RAMP1: variants seen among roughly 807,000 people sequenced by gnomAD.
RAMP1 encodes receptor activity-modifying protein 1.
Under a neutral mutation model 8.2 loss-of-function variants are expected in RAMP1, and 7 were observed. That is an observed-to-expected ratio of 0.85 (90% CI 0.49 to 1.60). RAMP1 has a LOEUF of 1.60. RAMP1 is among the 40% of genes most tolerant of loss of function. The pLI is 0.00. For synonymous variants in RAMP1, 92 were observed against 84.7 expected, an observed-to-expected ratio of 1.09 and a Z score of -0.47; for missense variants, 192 against 202.4, an observed-to-expected ratio of 0.95 and a Z score of 0.31.
In RAMP1 at chr2:237,911,889, C is replaced by T; in HGVS notation, c.*106C>T. The T allele has an allele frequency of 7.0e-7, 1 of 1,424,960 alleles. No individual in the cohort carries two copies. The highest frequency in any genetic ancestry group is 9.3e-7 in the Non-Finnish European group (1 of 1,077,338). 88.3% of individuals were successfully genotyped at this position (1,424,960 alleles called of 1,614,324 possible). ...CTTGGGACAGAGCAGGCCCACAATG[C>T]CCCCCTTCTTCCAGCCAAGAAGAGC... On this transcript the variant is annotated 3_prime_UTR_variant, in exon 3 of 3. Transcript: ENST00000254661.
chr2:237,872,231 A>G (rs1410410662), intron 1 of RAMP1, among the ~76,000 whole-genome samples: 1 of 152,138 alleles, frequency 6.6e-6, no homozygotes, highest in Admixed American at 6.5e-5. Context: ...TCGGCAGCCT[A>G]TTCTCGGCCT....
chr2:237,896,550 C>T (rs535065463), intron 2 of RAMP1, among the ~76,000 whole-genome samples: 26 of 152,368 alleles, frequency 1.7e-4, no homozygotes, highest in South Asian at 4.1e-4. Flanking sequence ...CCTCAGCAAG[C>T]GCCCTTTTCT....
intron 2 of RAMP1, among the ~76,000 whole-genome samples, chr2:237,894,831 G>A (rs2062522220): frequency 6.6e-6 from 1 of 152,184 alleles, no homozygotes; most frequent in Non-Finnish European, 1.5e-5. Flanking sequence ...TTCAAAGACG[G>A]AACAAAGGGA....
chr2:237,910,942 G>A (rs766654835), intron 2 of RAMP1, among the ~76,000 whole-genome samples: 4 of 149,180 alleles, frequency 2.7e-5, no homozygotes, highest in Non-Finnish European at 5.9e-5. Context: ...CAGAATAACA[G>A]TCACACACAC....
intron 1 of RAMP1, among the ~76,000 whole-genome samples, chr2:237,866,992 G>C (rs971239607): frequency 6.6e-6 from 1 of 152,206 alleles, no homozygotes; most frequent in Non-Finnish European, 1.5e-5. Context: ...GCTTCCCGAA[G>C]TGCTGGGATT....
intron 1 of RAMP1, among the ~76,000 whole-genome samples, chr2:237,873,628 G>A (rs2062269153): frequency 6.6e-6 from 1 of 152,218 alleles, no homozygotes; most frequent in Non-Finnish European, 1.5e-5. Context: ...GCTGAGTGAG[G>A]AGCGCAGCCG....
intron 1 of RAMP1, among the ~76,000 whole-genome samples, chr2:237,875,592 T>C (rs1053032705): frequency 9.9e-5 from 15 of 152,160 alleles, no homozygotes; most frequent in Non-Finnish European, 2.1e-4. Flanking sequence ...CAGCCTTCCA[T>C]GCAGGCCCGA....
chr2:237,911,306 G>A (rs983763366), intron 2 of RAMP1, among the ~76,000 whole-genome samples: 1 of 152,254 alleles, frequency 6.6e-6, no homozygotes, highest in Admixed American at 6.5e-5. Context: ...GGCCACGCCA[G>A]GGCTTCCTGC....
chr2:237,880,224 A>G (rs1210892751), intron 2 of RAMP1, among the ~76,000 whole-genome samples: 2 of 152,146 alleles, frequency 1.3e-5, no homozygotes, highest in East Asian at 1.9e-4. Context: ...TGGCTTTGAG[A>G]TGGGAGATGC....
chr2:237,889,133 G>GT (rs202075603), intron 2 of RAMP1, among the ~76,000 whole-genome samples: 2,797 of 152,224 alleles, frequency 0.018, 38 homozygotes, highest in Non-Finnish European at 0.027. Flanking sequence ...TGTTTCGTTT[G>GT]TGTGTCTTTT....
rs545395015 is a variant in RAMP1 at position 237,863,008 on chromosome 2, A to G, written c.52+3281A>G. Among the ~76,000 whole-genome samples, 10 of 152,242 alleles carry G rather than the reference A, an allele frequency of 6.6e-5. No individual in the cohort carries two copies. The East Asian group carries it at 1.5e-3, about 24-fold the overall frequency. ...AGCTCATGGGGTACACATTTCCATC[A>G]TGTGACCCATAACGTTTGAGATGGG... On this transcript the variant is annotated intron_variant, in intron 1 of 2. Coordinates refer to ENST00000254661, the MANE Select transcript of RAMP1 (RefSeq NM_005855.4).
In RAMP1 at chr2:237,905,958, C is replaced by T. The variant is rs181558791; in HGVS notation, c.192-5570C>T. ...CCTGGGAAGCGGAGGTTGCAGTGAGCTGAGATTGTACCACTGCACTCCAGC... is the reference window on the plus strand; with the variant it reads ...CCTGGGAAGCGGAGGTTGCAGTGAGTTGAGATTGTACCACTGCACTCCAGC... On this transcript the variant is annotated intron_variant, in intron 2 of 2. Transcript: ENST00000254661. Among the ~76,000 whole-genome samples the T allele has an allele frequency of 2.6e-3, 373 of 145,530 alleles. 5 individuals carry two copies. Among genetic ancestry groups the T allele is most frequent in the African/African-American group, 9.2e-3 (359 of 39,090 alleles).
intron 2 of RAMP1, among the ~76,000 whole-genome samples, chr2:237,910,659 TCACA>T (rs200083828): frequency 8.3e-5 from 11 of 132,016 alleles, no homozygotes; most frequent in South Asian, 2.5e-4. Flanking sequence ...ACACACACAG[TCACA>T]CACAGGGAAT....
rs2062313709 is a variant in RAMP1 at position 237,877,119 on chromosome 2, G to A, written c.53-105G>A. On this transcript the variant is annotated intron_variant, in intron 1 of 2. Coordinates refer to ENST00000254661, the MANE Select transcript of RAMP1 (RefSeq NM_005855.4). This position sits in a 1 kb window ranked among gnomAD's most constrained non-coding sequence, Gnocchi z 4.4. Reference sequence around the variant, plus strand: ...CGCCCTCTCCAGGGGTTGCTTAGAGGCCCCGTTCTCGTGGAGTCCGGGCTG... The same window carrying A: ...CGCCCTCTCCAGGGGTTGCTTAGAGACCCCGTTCTCGTGGAGTCCGGGCTG... The A allele has an allele frequency of 4.1e-6, 6 of 1,454,556 alleles. No homozygotes were observed. Among genetic ancestry groups the A allele is most frequent in the Admixed American group, 3.4e-5 (2 of 58,442 alleles). The allele number at this position is 1,454,556 out of a possible 1,614,324, so 90.1% of individuals were successfully genotyped here.
chr2:237,877,449 G>T lies in RAMP1; in HGVS notation c.191+87G>T, dbSNP rs2062320002. The T allele has an allele frequency of 2.6e-6, 4 of 1,517,456 alleles. No homozygotes were observed. The African/African-American group carries it at 5.5e-5, about 21-fold the overall frequency. The allele number at this position is 1,517,456 out of a possible 1,614,324, so 94.0% of individuals were successfully genotyped here. On this transcript the variant is annotated intron_variant, in intron 2 of 2. Coordinates refer to ENST00000254661, the MANE Select transcript of RAMP1 (RefSeq NM_005855.4). The surrounding 1 kb of genome is among the most constrained non-coding windows in gnomAD (Gnocchi z 4.4). ...GAGGAGTGGACCACGTGGGAGCTGT[G>T]GAAGATCCTTTCTAGACCCCGGAAG...
intron 2 of RAMP1, among the ~76,000 whole-genome samples, chr2:237,883,148 GA>G (rs1451961524): frequency 1.3e-5 from 2 of 152,178 alleles, no homozygotes; most frequent in African/African-American, 4.8e-5. Flanking sequence ...CTGAAGGCAG[GA>G]GCCTCTGGGC....
intron 2 of RAMP1, among the ~76,000 whole-genome samples, chr2:237,892,493 C>A (rs916226919): frequency 6.6e-6 from 1 of 152,022 alleles, no homozygotes; most frequent in Non-Finnish European, 1.5e-5. Context: ...CTCCTGGGCT[C>A]AAGCAATCCT....
intron 2 of RAMP1, among the ~76,000 whole-genome samples, chr2:237,891,214 G>GC (rs2062485143): frequency 7.2e-6 from 1 of 139,818 alleles, no homozygotes; most frequent in Non-Finnish European, 1.5e-5. Context: ...GCAGTGGCAT[G>GC]GTCTCGGCTC....
chr2:237,865,330 G>T lies in RAMP1; in HGVS notation c.52+5603G>T, dbSNP rs1030136375. ...GGGGAGGGCAGGGGAGAAGAGAGGA[G>T]GGGAGGGGAGGGCAGGGGAGTAGAG... On this transcript the variant is annotated intron_variant, in intron 1 of 2. Transcript: ENST00000254661. The surrounding 1 kb of genome is among the most constrained non-coding windows in gnomAD (Gnocchi z 4.2). Among the ~76,000 whole-genome samples the T allele has an allele frequency of 7.2e-6, 1 of 137,994 alleles. No homozygotes were observed. The highest frequency in any genetic ancestry group is 2.7e-5 in the African/African-American group (1 of 36,718). The allele number at this position is 137,994 out of a possible 152,430, so 90.5% of individuals were successfully genotyped here.
Sources: allele counts gnomAD v4.1 joint callset (sites outside exome capture counted in the v4.1 genomes callset), GRCh38; gene constraint gnomAD v4.1.1; non-coding constraint Gnocchi (gnomAD v3.1); transcripts MANE v1.5; gene names NCBI Gene and HGNC (gene_info 2026-07-23, HGNC 2026-07-21).